Variants in SCN10A observed in about 807,000 individuals in gnomAD.
SCN10A encodes sodium channel protein type 10 subunit alpha.
SCN10A carries 162 observed loss-of-function variants against 170.7 expected under a neutral mutation model. That is an observed-to-expected ratio of 0.95 (90% CI 0.84 to 1.08). The LOEUF (loss-of-function observed/expected upper bound fraction) is 1.08, where lower values mean the gene tolerates loss of function less well. Among genes scored for constraint, SCN10A ranks in the 50% least tolerant of loss-of-function variants. SCN10A has a pLI of 0.00. For missense variants in SCN10A, 2,527 were observed against 2,436.9 expected, an observed-to-expected ratio of 1.04 and a Z score of -0.78; for synonymous variants, 985 against 904.6, an observed-to-expected ratio of 1.09 and a Z score of -1.59.
rs759456830 is a variant in SCN10A, at chr3:38,756,683, C to T, written c.1281G>A (p.Lys427=). 1.2e-6 allele frequency: 2 copies of T among 1,613,582 alleles called. No individual in the cohort carries two copies. The highest frequency in any genetic ancestry group is 1.7e-5 in the Admixed American group (1 of 60,030). The change falls in exon 10 of 28, where the codon AAG becomes AAA. Residue 427 remains lysine (K), a synonymous_variant. Transcript: ENST00000449082. ...TCCACTCCTCACAAACCTCCTGCTC[C>T]TTCCGGAGCATCTCGAGGGCCTCCT... The part of the protein sequence containing the change: ...KFQEALEMLR[K]EQEVLAALGI...
intron 4 of SCN10A, among the ~76,000 whole-genome samples, chr3:38,786,571 T>C (rs780966765): frequency 4.6e-5 from 7 of 152,146 alleles, no homozygotes; most frequent in Non-Finnish European, 8.8e-5. Flanking sequence ...GACATGTGTA[T>C]ACCTATGTAA....
At chr3:38,782,342 T>G (rs1025602103) in intron 4 of SCN10A, among the ~76,000 whole-genome samples, 1 of 152,068 alleles carries the variant, frequency 6.6e-6, no homozygotes, top group African/African-American at 2.4e-5. Context: ...TTCTCATTTT[T>G]ATCCCCCTCT....
chr3:38,772,485 C>T (rs4426622), intron 4 of SCN10A, among the ~76,000 whole-genome samples: 149,949 of 152,200 alleles, frequency 0.99, 73,910 homozygotes, highest in Middle Eastern at 1. Flanking sequence ...GTCAGGAGAT[C>T]GAGACCATCC....
At chr3:38,773,507 A>G (rs376686011) in intron 4 of SCN10A, among the ~76,000 whole-genome samples, 5 of 152,364 alleles carry the variant, frequency 3.3e-5, no homozygotes, top group African/African-American at 1.2e-4. Flanking sequence ...GAAAAAAATG[A>G]TACACATGCA....
intron 4 of SCN10A, among the ~76,000 whole-genome samples, chr3:38,783,176 T>TG (rs71635876): frequency 6.6e-6 from 1 of 152,030 alleles, no homozygotes; most frequent in African/African-American, 2.4e-5. Flanking sequence ...CATAGCAACA[T>TG]GGGGGGTTTG....
intron 5 of SCN10A, among the ~76,000 whole-genome samples, chr3:38,770,684 G>C (rs2063988507): frequency 6.6e-6 from 1 of 151,994 alleles, no homozygotes; most frequent in South Asian, 2.1e-4. Flanking sequence ...CTCACTGTCT[G>C]CTTGCAGTTC....
chr3:38,754,880 C>T (rs2063786543), intron 11 of SCN10A, among the ~76,000 whole-genome samples: 1 of 152,144 alleles, frequency 6.6e-6, no homozygotes, highest in South Asian at 2.1e-4. Context: ...CCATGTTGAT[C>T]CCCTTTTCCA....
chr3:38,723,647 G>C (rs1174028176), intron 18 of SCN10A, 94 bp from the exon 19 acceptor site: 1 of 1,418,548 alleles, frequency 7.0e-7, no homozygotes, highest in African/African-American at 1.4e-5. Flanking sequence ...ACCCATGTTT[G>C]GTGCCTCGCC....
chr3:38,740,321 G>T (rs1028101254), intron 14 of SCN10A, among the ~76,000 whole-genome samples: 1 of 152,192 alleles, frequency 6.6e-6, no homozygotes, highest in African/African-American at 2.4e-5. Context: ...GTCAGAACCA[G>T]GCTCGGGTAA....
At chr3:38,791,909 A>G (rs1001951108) in intron 3 of SCN10A, 141 bp downstream of exon 3, 241 of 1,159,868 alleles carry the variant, frequency 2.1e-4, no homozygotes, top group Non-Finnish European at 2.7e-4. Flanking sequence ...GGCCCAAGCC[A>G]TTTTTTCAAT....
At chr3:38,809,122 G>A (rs568340231) in intron 1 of SCN10A, among the ~76,000 whole-genome samples, 1 of 152,318 alleles carries the variant, frequency 6.6e-6, no homozygotes, top group African/African-American at 2.4e-5. Context: ...TGTCATATTA[G>A]AGGCCAGGCA....
chr3:38,728,472 T>C, intron 16 of SCN10A, 70 bp downstream of exon 16: 1 of 1,466,580 alleles, frequency 6.8e-7, no homozygotes, highest in African/African-American at 1.4e-5. Flanking sequence ...AGATCAAAGC[T>C]TTTTCAGATA....
chr3:38,763,427 C>T (rs1295479726), intron 6 of SCN10A, 78 bp downstream of exon 6: 4 of 1,139,934 alleles, frequency 3.5e-6, no homozygotes, highest in East Asian at 2.3e-5. Context: ...GCCCTGGAAC[C>T]TTACAGGGTT....
intron 21 of SCN10A, among the ~76,000 whole-genome samples, chr3:38,717,654 T>G (rs758532401): frequency 4.6e-5 from 7 of 152,238 alleles, no homozygotes; most frequent in Non-Finnish European, 2.9e-5. Flanking sequence ...CAGAATGTTC[T>G]GTGCTGAACC....
chr3:38,714,186 A>G, intron 21 of SCN10A, 106 bp from the exon 22 acceptor site: 2 of 1,388,880 alleles, frequency 1.4e-6, no homozygotes, highest in Non-Finnish European at 2.0e-6. Context: ...TACACGTCTA[A>G]GCCATCATCC....
At chr3:38,753,583 T>A (rs960913023) in intron 11 of SCN10A, among the ~76,000 whole-genome samples, 2 of 152,166 alleles carry the variant, frequency 1.3e-5, no homozygotes, top group Admixed American at 1.3e-4. Flanking sequence ...ATAAATAGAG[T>A]ACTCTCTGCC....
intron 4 of SCN10A, among the ~76,000 whole-genome samples, chr3:38,785,314 C>T (rs1311477787): frequency 1.3e-5 from 2 of 152,128 alleles, no homozygotes; most frequent in Non-Finnish European, 2.9e-5. Context: ...ACAGAGGCCT[C>T]AGAAGTAACA....
At chr3:38,815,304 T>G (rs1050054108) in intron 1 of SCN10A, among the ~76,000 whole-genome samples, 3 of 152,240 alleles carry the variant, frequency 2.0e-5, no homozygotes, top group African/African-American at 4.8e-5. Flanking sequence ...TCACAATATC[T>G]GAAAACAAAA....
chr3:38,754,117 T>G (rs924933985), intron 11 of SCN10A, among the ~76,000 whole-genome samples: 1 of 152,204 alleles, frequency 6.6e-6, no homozygotes, highest in Non-Finnish European at 1.5e-5. Flanking sequence ...CACATACATG[T>G]TGTTCTTTCT....
Sources: gnomAD v4.1 joint callset for allele counts (sites outside exome capture counted in the v4.1 genomes callset) on GRCh38, gnomAD v4.1.1 for gene constraint, MANE v1.5 for transcripts, NCBI Gene and HGNC (gene_info 2026-07-23, HGNC 2026-07-21) for gene names.